The following TMTC1 variants were observed in gnomAD, a reference collection of about 807,000 sequenced individuals.
TMTC1 encodes protein O-mannosyl-transferase TMTC1.
TMTC1 carries 73 observed loss-of-function variants against 104.8 expected under a neutral mutation model. The ratio of observed to expected loss-of-function variants is 0.70; its 90% CI spans 0.58 to 0.85. The LOEUF (loss-of-function observed/expected upper bound fraction) is 0.85, where lower values mean the gene tolerates loss of function less well. TMTC1 is among the 40% of genes least tolerant of loss of function. The pLI is 0.00. For missense variants in TMTC1, 1,035 were observed against 1,096.1 expected, an observed-to-expected ratio of 0.94 and a Z score of 0.79; for synonymous variants, 434 against 428.7, an observed-to-expected ratio of 1.01 and a Z score of -0.15.
chr12:29,641,179 G>T (rs906291106), intron 5 of TMTC1: 1 of 152,282 alleles, frequency 6.6e-6, no homozygotes, highest in Non-Finnish European at 1.5e-5. Flanking sequence ...AAGACAAAGG[G>T]CATATACTCT....
chr12:29,747,274 G>A (rs1008868110), intron 5 of TMTC1, among the ~76,000 whole-genome samples: 7 of 152,146 alleles, frequency 4.6e-5, no homozygotes, highest in African/African-American at 1.7e-4. Context: ...GTTGGGGGAT[G>A]TTTACACACA....
At chr12:29,593,835 A>G (rs1946343563) in intron 7 of TMTC1, among the ~76,000 whole-genome samples, 1 of 152,276 alleles carries the variant, frequency 6.6e-6, no homozygotes, top group Non-Finnish European at 1.5e-5. Flanking sequence ...GGTTCTTTTT[A>G]GGATAGAATA....
At chr12:29,523,510 C>T (rs1249335634) in intron 11 of TMTC1, among the ~76,000 whole-genome samples, 1 of 152,134 alleles carries the variant, frequency 6.6e-6, no homozygotes, top group Middle Eastern at 3.2e-3. Context: ...TTACTAGGTA[C>T]AGAGAAACTT....
At chr12:29,712,006 CAAAAAAAAAAAAA>C (rs34419655) in intron 5 of TMTC1, among the ~76,000 whole-genome samples, 2 of 43,904 alleles carry the variant, frequency 4.6e-5, no homozygotes, top group South Asian at 1.8e-3. Context: ...GACTCCATCT[CAAAAAAAAAAAAA>C]AAAAAAAAAA....
intron 10 of TMTC1, among the ~76,000 whole-genome samples, chr12:29,555,058 A>T (rs2136252197): frequency 6.6e-6 from 1 of 152,074 alleles, no homozygotes; most frequent in South Asian, 2.1e-4. Flanking sequence ...TTTATTCAAG[A>T]AAAATTTTAC....
chr12:29,525,645 C>T (rs112012918), intron 11 of TMTC1, among the ~76,000 whole-genome samples: 128 of 151,378 alleles, frequency 8.5e-4, no homozygotes, highest in African/African-American at 2.7e-3. Flanking sequence ...AGCCTTGTAG[C>T]ATTTAGTCAT....
intron 1 of TMTC1, among the ~76,000 whole-genome samples, chr12:29,770,818 T>C (rs576702887): frequency 6.6e-4 from 101 of 152,300 alleles, no homozygotes; most frequent in Non-Finnish European, 1.1e-3. Context: ...GCTTCTAGCG[T>C]ATTCTACGTG....
chr12:29,686,930 T>C (rs1549407), intron 5 of TMTC1, among the ~76,000 whole-genome samples: 21,034 of 152,128 alleles, frequency 0.14, 1,736 homozygotes, highest in East Asian at 0.34. Context: ...GTAGTATGAT[T>C]GGAATCAGAA....
At chr12:29,625,271 T>C (rs747915398) in intron 6 of TMTC1, among the ~76,000 whole-genome samples, 1 of 152,212 alleles carries the variant, frequency 6.6e-6, no homozygotes, top group African/African-American at 2.4e-5. Flanking sequence ...GCCCTTACCA[T>C]CATGTCCTTA....
intron 5 of TMTC1, among the ~76,000 whole-genome samples, chr12:29,668,454 C>CTTTATTTTTTTT (rs1940370241): frequency 1.1e-5 from 1 of 90,090 alleles, no homozygotes; most frequent in Non-Finnish European, 2.1e-5. Flanking sequence ...ACCAACTTAT[C>CTTTATTTTTTTT]TTTTTTTTTT....
At chr12:29,694,424 C>T (rs530217280) in intron 5 of TMTC1, among the ~76,000 whole-genome samples, 45 of 152,292 alleles carry the variant, frequency 3.0e-4, no homozygotes, top group South Asian at 6.2e-4. Flanking sequence ...ACACATCCTC[C>T]CATACACTTT....
intron 10 of TMTC1, among the ~76,000 whole-genome samples, chr12:29,555,000 G>C (rs1009848215): frequency 1.3e-5 from 2 of 152,068 alleles, no homozygotes; most frequent in Non-Finnish European, 2.9e-5. Context: ...TAAGACCTAT[G>C]TTTCAGTATA....
chr12:29,569,040 T>C, intron 9 of TMTC1: 1 of 453,828 alleles, frequency 2.2e-6, no homozygotes, highest in East Asian at 7.0e-5. Context: ...AGCTAACACT[T>C]GATGTTTGTT....
intron 1 of TMTC1, among the ~76,000 whole-genome samples, chr12:29,769,267 C>T (rs192055480): frequency 1.5e-3 from 234 of 152,316 alleles, no homozygotes; most frequent in Admixed American, 4.4e-3. Context: ...TCCATTTTCA[C>T]TCCCACTGAA....
At chr12:29,661,533 T>A (rs964448685) in intron 5 of TMTC1, among the ~76,000 whole-genome samples, 2 of 151,130 alleles carry the variant, frequency 1.3e-5, no homozygotes, top group Admixed American at 6.6e-5. Context: ...GCGATTCTCA[T>A]GCCTCAGCCT....
rs143668345 is a variant in TMTC1, at chr12:29,512,087, G to A, written c.2464C>T (p.Gln822Ter). The stretch of plus-strand genomic sequence containing the variant: ...CCCATGTTCATCCAGGCCTGTGCTT[G>A]GTCTGGGTTTAGTTGCACAGCCACT... ...YRVAVQLNPDQAQAWMNMGGI... is the reference protein window; with the variant it reads ...YRVAVQLNPD Residue 822 changes from glutamine to a stop codon, truncating the protein, a stop_gained, in exon 17 of 18, where the codon CAA (glutamine) becomes TAA (stop). Transcript: ENST00000539277. LOFTEE classifies it high-confidence loss of function. 1.1e-5 allele frequency: 18 copies of A among 1,613,958 alleles called. No homozygotes were observed. Among genetic ancestry groups the A allele is most frequent in the Non-Finnish European group, 1.5e-5 (18 of 1,179,926 alleles).
At chr12:29,691,790 G>A (rs918621656) in intron 5 of TMTC1, among the ~76,000 whole-genome samples, 2 of 143,286 alleles carry the variant, frequency 1.4e-5, no homozygotes, top group Non-Finnish European at 3.0e-5. Flanking sequence ...ACAAGTGAGT[G>A]TGCTGTACAA....
At chr12:29,691,612 A>G (rs1403619256) in intron 5 of TMTC1, among the ~76,000 whole-genome samples, 1 of 143,366 alleles carries the variant, frequency 7.0e-6, no homozygotes, top group African/African-American at 2.6e-5. Context: ...AACTGAGGAA[A>G]CAATTCTCAA....
chr12:29,509,779 T>G (rs1035313324), intron 17 of TMTC1, among the ~76,000 whole-genome samples: 10 of 152,224 alleles, frequency 6.6e-5, no homozygotes, highest in African/African-American at 2.4e-4. Context: ...TAATTTTTAC[T>G]CAGCACTAAT....
Sources: allele counts gnomAD v4.1 joint callset (sites outside exome capture counted in the v4.1 genomes callset), GRCh38; gene constraint gnomAD v4.1.1; transcripts MANE v1.5; gene names NCBI Gene and HGNC (gene_info 2026-07-23, HGNC 2026-07-21).